Variants in PLB1 observed in about 807,000 individuals in gnomAD.
PLB1 encodes the protein phospholipase B1, membrane-associated.
A neutral mutation model predicts 227.4 loss-of-function variants in PLB1; 242 were observed. The observed-to-expected ratio is 1.06, with a 90% CI of 0.96 to 1.18. The LOEUF is 1.18. PLB1 is among the 50% of genes most tolerant of loss of function. The pLI is 0.00. For missense variants in PLB1, 1,858 were observed against 1,816.3 expected (o/e 1.02, Z -0.42); for synonymous variants, 757 against 682.2 (o/e 1.11, Z -1.71).
At chr2:28,597,938 A>T (rs1683228563) in intron 33 of PLB1, 67 bp from the exon 34 acceptor site, 1 of 1,476,560 alleles carries the variant, frequency 6.8e-7, no homozygotes, top group South Asian at 1.1e-5. Flanking sequence ...CTCTTGTGTA[A>T]AGTTCCTAGA....
In PLB1 at chr2:28,507,132, T is replaced by C. The variant is rs150795624; in HGVS notation, c.56-9676T>C. On this transcript the variant is annotated intron_variant, in intron 1 of 57. Coordinates refer to ENST00000327757, the MANE Select transcript of PLB1 (RefSeq NM_153021.5). ...TGCTGCTGATTGTGGAAGATATTAG[T>C]ATAGGAGGAGTCAGGGCTCTGGAAC... 7.1e-4 allele frequency among the ~76,000 whole-genome samples: 108 copies of C among 152,234 alleles called. 1 individual carries two copies. The highest frequency in any genetic ancestry group is 2.6e-3 in the African/African-American group (107 of 41,528).
intron 56 of PLB1, among the ~76,000 whole-genome samples, chr2:28,634,687 C>T (rs542870182): frequency 1.8e-4 from 28 of 152,084 alleles, no homozygotes; most frequent in African/African-American, 4.3e-4. Flanking sequence ...GCAGGTGGAT[C>T]GCTTGAGCCC....
intron 2 of PLB1, among the ~76,000 whole-genome samples, chr2:28,517,983 C>G (rs575461361): frequency 6.6e-6 from 1 of 151,534 alleles, no homozygotes; most frequent in Non-Finnish European, 1.5e-5. Flanking sequence ...AAGTGATTCT[C>G]GTGCCTCAGC....
chr2:28,624,327 T>G (rs756999742), intron 49 of PLB1, among the ~76,000 whole-genome samples: 1 of 152,206 alleles, frequency 6.6e-6, no homozygotes, highest in Non-Finnish European at 1.5e-5. Context: ...TATATACTTT[T>G]TATCTGACTT....
chr2:28,497,971 G>A (rs144712806), intron 1 of PLB1, among the ~76,000 whole-genome samples: 1 of 151,498 alleles, frequency 6.6e-6, no homozygotes, highest in South Asian at 2.1e-4. Flanking sequence ...TGCCTGCCTC[G>A]GCCTCCCAGA....
intron 56 of PLB1, among the ~76,000 whole-genome samples, chr2:28,638,061 T>TG (rs1279707298): frequency 6.6e-6 from 1 of 151,998 alleles, no homozygotes; most frequent in East Asian, 1.9e-4. Context: ...TGAGCACTAA[T>TG]ATGTGCTAGG....
intron 1 of PLB1, among the ~76,000 whole-genome samples, chr2:28,511,245 A>G (rs1229399635): frequency 2.6e-5 from 4 of 152,158 alleles, no homozygotes; most frequent in Non-Finnish European, 5.9e-5. Flanking sequence ...TTTTTCTGAA[A>G]AGGTTGTAAA....
chr2:28,641,258 G>A (rs914961475), intron 57 of PLB1, among the ~76,000 whole-genome samples: 13 of 152,196 alleles, frequency 8.5e-5, no homozygotes, highest in Non-Finnish European at 1.2e-4. Context: ...ATGAGCACTG[G>A]CGGGTGTCTC....
chr2:28,626,396 A>C (rs1224825016), intron 50 of PLB1, 32 bp from the exon 51 acceptor site: 2 of 1,595,080 alleles, frequency 1.3e-6, no homozygotes, highest in Non-Finnish European at 1.7e-6. Context: ...CCTCCCACCA[A>C]GGCCTAAACT....
Position 28,600,796 on chromosome 2 carries a change from C to T in PLB1, c.2475-13C>T, listed in dbSNP as rs545792842. 4 of 1,613,140 alleles carry T rather than the reference C, an allele frequency of 2.5e-6. No individual in the cohort carries two copies. The highest frequency in any genetic ancestry group is 3.4e-6 in the Non-Finnish European group (4 of 1,179,092). ...GTTCCTCAACAGAAGGATGGGTTTT[C>T]TCTCTTTCTCAGGGATCTTATGAGC... On this transcript the variant is annotated splice_polypyrimidine_tract_variant and intron_variant, in intron 35 of 57. Coordinates refer to ENST00000327757, the MANE Select transcript of PLB1 (RefSeq NM_153021.5).
chr2:28,500,082 T>G (rs571937950), intron 1 of PLB1, among the ~76,000 whole-genome samples: 41 of 152,364 alleles, frequency 2.7e-4, no homozygotes, highest in African/African-American at 9.9e-4. Context: ...CTTACTCCTT[T>G]TATCTGCTAA....
intron 56 of PLB1, among the ~76,000 whole-genome samples, chr2:28,637,299 T>TAA (rs34972015): frequency 0.013 from 1,682 of 131,138 alleles, 17 homozygotes; most frequent in African/African-American, 0.019. Flanking sequence ...GTCTCAAATT[T>TAA]AAAAAAAAAA....
At position 28,579,710 on chromosome 2, in the gene PLB1, A is replaced by G; in HGVS notation, c.1566+3A>G. 6.2e-7 allele frequency: 1 copy of G among 1,610,278 alleles called. No homozygotes were observed. The highest frequency in any genetic ancestry group is 8.5e-7 in the Non-Finnish European group (1 of 1,176,724). On this transcript the variant is annotated splice_donor_region_variant and intron_variant, in intron 23 of 57. Transcript: ENST00000327757. ...TCTGTGATTTCTGCAATGATCTGGT[A>G]GGTCTCCAGGCACTTTACTCAAGAC...
intron 18 of PLB1, among the ~76,000 whole-genome samples, chr2:28,563,946 T>G (rs528347457): frequency 2.6e-5 from 4 of 152,296 alleles, no homozygotes; most frequent in African/African-American, 9.6e-5. Flanking sequence ...TTCTTTAGAT[T>G]CAACCAATAA....
intron 37 of PLB1, among the ~76,000 whole-genome samples, chr2:28,601,605 T>A (rs1215492642): frequency 1.3e-5 from 2 of 152,038 alleles, no homozygotes; most frequent in African/African-American, 4.8e-5. Context: ...CTCTTATAAC[T>A]CCTGAGAATT....
At chr2:28,633,229 GA>G in intron 56 of PLB1, 190 bp downstream of exon 56, 1 of 567,486 alleles carries the variant, frequency 1.8e-6, no homozygotes, top group African/African-American at 1.9e-5. Flanking sequence ...AACACCCTTT[GA>G]AAGTTATACA....
intron 1 of PLB1, among the ~76,000 whole-genome samples, chr2:28,503,085 CT>C (rs1179860543): frequency 6.6e-6 from 1 of 151,998 alleles, no homozygotes; most frequent in Non-Finnish European, 1.5e-5. Flanking sequence ...GTTTCTGGTA[CT>C]GATTATTTAT....
chr2:28,548,353 G>T (rs1673625451), intron 14 of PLB1: 6 of 302,908 alleles, frequency 2.0e-5, no homozygotes, highest in South Asian at 1.7e-4. Context: ...CCTGTCTAAG[G>T]GAACTTGAAT....
At position 28,598,661 on chromosome 2, in the gene PLB1, G is replaced by A. The variant is rs764126371; in HGVS notation, c.2375G>A (p.Arg792Gln). ...TCACCTTCTCTTCCAGATATCCTTCGGGAGTTTAACAGAAACCTCACAGGC... is the reference window on the plus strand; with the variant it reads ...TCACCTTCTCTTCCAGATATCCTTCAGGAGTTTAACAGAAACCTCACAGGC... ...ENVTTLPNIL[R>Q]EFNRNLTGYA... The change falls in exon 35 of 58, where the codon CGG (arginine) becomes CAG (glutamine). Residue 792 changes from arginine (R) to glutamine (Q), a missense_variant. Physicochemically the swap from Arg to Gln is conservative, Grantham distance 43 (BLOSUM62 1). Coordinates refer to ENST00000327757, the MANE Select transcript of PLB1 (RefSeq NM_153021.5). The A allele has an allele frequency of 1.7e-5, 27 of 1,613,354 alleles. No homozygotes were observed. The highest frequency in any genetic ancestry group is 4.4e-5 in the South Asian group (4 of 91,064).
Sources: allele counts gnomAD v4.1 joint callset (sites outside exome capture counted in the v4.1 genomes callset), GRCh38; gene constraint gnomAD v4.1.1; transcripts MANE v1.5; gene names NCBI Gene and HGNC (gene_info 2026-07-23, HGNC 2026-07-21).